PAK5: variants seen among roughly 807,000 people sequenced by gnomAD.
The protein encoded by PAK5 is serine/threonine-protein kinase PAK 5.
Under a neutral mutation model 65.9 loss-of-function variants are expected in PAK5, and 16 were observed. The observed-to-expected ratio is 0.24, with a 90% CI of 0.16 to 0.37. The LOEUF is 0.37. Among genes scored for constraint, PAK5 ranks in the 10% least tolerant of loss-of-function variants. PAK5 has a pLI of 1.00. For synonymous variants in PAK5, 371 were observed against 354.9 expected, an observed-to-expected ratio of 1.05 and a Z score of -0.51; for missense variants, 785 against 903.9, an observed-to-expected ratio of 0.87 and a Z score of 1.69.
intron 3 of PAK5, among the ~76,000 whole-genome samples, chr20:9,614,820 G>A (rs1015884627): frequency 6.6e-6 from 1 of 152,166 alleles, no homozygotes; most frequent in African/African-American, 2.4e-5. Context: ...CTTGTTAAAT[G>A]TTCAAAGAAG....
At chr20:9,709,047 T>C (rs147997835) in intron 2 of PAK5, among the ~76,000 whole-genome samples, 1 of 152,290 alleles carries the variant, frequency 6.6e-6, no homozygotes, top group East Asian at 1.9e-4. Context: ...TAAGGCACCA[T>C]TACTCTTTCT....
chr20:9,800,395 TC>T (rs1412869363), intron 1 of PAK5, among the ~76,000 whole-genome samples: 1 of 152,132 alleles, frequency 6.6e-6, no homozygotes, highest in Non-Finnish European at 1.5e-5. Flanking sequence ...CCAACCACTA[TC>T]AAAAAATCTT....
intron 7 of PAK5, among the ~76,000 whole-genome samples, chr20:9,546,221 T>C (rs1418750091): frequency 1.3e-5 from 2 of 152,220 alleles, no homozygotes; most frequent in East Asian, 1.9e-4. Context: ...GTAGATTCTA[T>C]AATTATTAAT....
chr20:9,803,147 A>G (rs1346307708), intron 1 of PAK5, among the ~76,000 whole-genome samples: 1 of 151,852 alleles, frequency 6.6e-6, no homozygotes, highest in Non-Finnish European at 1.5e-5. Context: ...AAAAACAAGA[A>G]AAAAAACAAG....
intron 1 of PAK5, among the ~76,000 whole-genome samples, chr20:9,731,919 T>C (rs531779620): frequency 2.0e-4 from 31 of 152,128 alleles, no homozygotes; most frequent in Non-Finnish European, 1.3e-4. Flanking sequence ...ATATAGAAAG[T>C]CTGAAGTGAA....
At chr20:9,683,992 C>A (rs554983676) in intron 2 of PAK5, among the ~76,000 whole-genome samples, 2 of 152,188 alleles carry the variant, frequency 1.3e-5, no homozygotes, top group Non-Finnish European at 2.9e-5. Flanking sequence ...ATAGATAGTT[C>A]TCTGCGGACA....
rs150771795 is a variant in PAK5, at chr20:9,578,481, C to T, written c.990+1664G>A. ...GGAAGAGCCAAATAAGGCTCCAGGA[C>T]CAAAATGCAGCATCATCTGGGCAAT... On this transcript the variant is annotated intron_variant, in intron 4 of 9. Coordinates refer to ENST00000353224, the MANE Select transcript of PAK5 (RefSeq NM_177990.4). 3.8e-3 allele frequency among the ~76,000 whole-genome samples: 571 copies of T among 152,228 alleles called. 3 individuals are homozygous for T. Among genetic ancestry groups the T allele is most frequent in the African/African-American group, 0.013 (535 of 41,524 alleles).
At chr20:9,623,168 T>C (rs1057056393) in intron 3 of PAK5, among the ~76,000 whole-genome samples, 12 of 152,182 alleles carry the variant, frequency 7.9e-5, no homozygotes, top group African/African-American at 2.7e-4. Context: ...TGTCTCATCT[T>C]ATTGGAATCA....
rs199614702 is a variant in PAK5, at chr20:9,539,581, A to C, written c.2041T>G (p.Leu681Val). ...SVLRGFLDLM[L>V]VREPSQRATA... ...GCTCTCTGAGAGGGCTCCCTCACCA[A>C]CATCAAGTCTAGGAATCCCCGGAGC... The change falls in exon 10 of 10, where the codon TTG becomes GTG. Residue 681 changes from leucine to valine, a missense_variant. Leu to Val is a conservative substitution (Grantham distance 32). Coordinates refer to ENST00000353224, the MANE Select transcript of PAK5 (RefSeq NM_177990.4). The C allele has an allele frequency of 9.3e-6, 15 of 1,613,660 alleles. No individual in the cohort carries two copies. The East Asian group carries it at 3.3e-4, about 36-fold the overall frequency.
intron 3 of PAK5, among the ~76,000 whole-genome samples, chr20:9,603,303 T>G (rs932887453): frequency 6.6e-6 from 1 of 152,192 alleles, no homozygotes; most frequent in African/African-American, 2.4e-5. Flanking sequence ...GCAGCAAGCT[T>G]TACCTGGAAG....
chr20:9,743,400 A>AAC (rs2048471226), intron 1 of PAK5, among the ~76,000 whole-genome samples: 2 of 79,834 alleles, frequency 2.5e-5, no homozygotes, highest in African/African-American at 8.2e-5. Flanking sequence ...CCAAAAAAAA[A>AAC]CAAACGAAAC....
chr20:9,731,601 T>C (rs193152028), intron 1 of PAK5, among the ~76,000 whole-genome samples: 1 of 152,330 alleles, frequency 6.6e-6, no homozygotes, highest in East Asian at 1.9e-4. Context: ...ATTTCAAATA[T>C]AACAGATTAA....
intron 1 of PAK5, among the ~76,000 whole-genome samples, chr20:9,768,309 A>G (rs1425752756): frequency 6.6e-6 from 1 of 152,078 alleles, no homozygotes; most frequent in Non-Finnish European, 1.5e-5. Flanking sequence ...GCACACATGG[A>G]CATAAACATA....
At position 9,827,923 on chromosome 20, in the gene PAK5, C is replaced by T. The variant is rs79417948; in HGVS notation, c.-162+10839G>A. ...CTCAGCTCACTGCAACATCTGCCTC[C>T]CGGGTTCAAGCGATTCTCTTGCCTC... On this transcript the variant is annotated intron_variant, in intron 1 of 9. Transcript: ENST00000353224. Among the ~76,000 whole-genome samples, 4 of 152,330 alleles carry T rather than the reference C, an allele frequency of 2.6e-5. No individual in the cohort carries two copies. In the South Asian group the frequency reaches 8.3e-4, roughly 32 times the overall value.
At chr20:9,737,367 CAT>C (rs999832548) in intron 1 of PAK5, among the ~76,000 whole-genome samples, 3 of 152,156 alleles carry the variant, frequency 2.0e-5, no homozygotes, top group African/African-American at 7.2e-5. Context: ...TATCATAAAA[CAT>C]AGATTTCAGA....
At chr20:9,560,114 T>C (rs1208718443) in intron 6 of PAK5, among the ~76,000 whole-genome samples, 1 of 152,212 alleles carries the variant, frequency 6.6e-6, no homozygotes, top group Non-Finnish European at 1.5e-5. Context: ...ATATCAAAAA[T>C]TACTTGAATC....
chr20:9,735,607 G>A (rs1365249363), intron 1 of PAK5, among the ~76,000 whole-genome samples: 1 of 152,054 alleles, frequency 6.6e-6, no homozygotes, highest in Non-Finnish European at 1.5e-5. Flanking sequence ...TAGTTGCACT[G>A]AAGAAATCTT....
chr20:9,817,334 A>G (rs1251503954), intron 1 of PAK5, among the ~76,000 whole-genome samples: 1 of 152,092 alleles, frequency 6.6e-6, no homozygotes, highest in Non-Finnish European at 1.5e-5. Flanking sequence ...GTACCAGCAA[A>G]TGTCATAATG....
At chr20:9,548,205 A>G (rs570206933) in intron 7 of PAK5, among the ~76,000 whole-genome samples, 1 of 152,220 alleles carries the variant, frequency 6.6e-6, no homozygotes, top group African/African-American at 2.4e-5. Context: ...TAAAACCCAG[A>G]AAGTTCTGGG....
Sources: gnomAD v4.1 joint callset for allele counts (sites outside exome capture counted in the v4.1 genomes callset) on GRCh38, gnomAD v4.1.1 for gene constraint, MANE v1.5 for transcripts, NCBI Gene and HGNC (gene_info 2026-07-23, HGNC 2026-07-21) for gene names.